The following AKAP19 variants were observed in gnomAD, a reference collection of about 807,000 sequenced individuals.
AKAP19 encodes small A-kinase anchoring protein.
At chr2:190,149,517 G>T in the AKAP19 span, among the ~76,000 whole-genome samples, 1 of 152,076 alleles carries the variant, frequency 6.6e-6, no homozygotes, top group Non-Finnish European at 1.5e-5. Context: ...TAGATAGGTT[G>T]TGTCATTATT....
chr2:190,185,453 C>G, the AKAP19 span, among the ~76,000 whole-genome samples: 6 of 152,156 alleles, frequency 3.9e-5, no homozygotes, highest in African/African-American at 1.4e-4. Flanking sequence ...GGAAGAGGTT[C>G]TAGATCAGAT....
the AKAP19 span, among the ~76,000 whole-genome samples, chr2:190,184,282 T>A: frequency 6.6e-6 from 1 of 152,184 alleles, no homozygotes; most frequent in African/African-American, 2.4e-5. Context: ...AATATTCTAA[T>A]TCAGAACAGT....
chr2:190,081,200 C>G, the AKAP19 span, among the ~76,000 whole-genome samples: 1 of 146,282 alleles, frequency 6.8e-6, no homozygotes, highest in Non-Finnish European at 1.5e-5. Flanking sequence ...CAACCCCCAT[C>G]CCCCCATCCT....
chr2:189,950,383 G>A, the AKAP19 span, among the ~76,000 whole-genome samples: 1 of 145,050 alleles, frequency 6.9e-6, no homozygotes, highest in Non-Finnish European at 1.5e-5. Flanking sequence ...AACCTTAGGT[G>A]CAGTAGTGAA....
chr2:190,150,138 C>T, the AKAP19 span: 1 of 152,408 alleles, frequency 6.6e-6, no homozygotes, highest in African/African-American at 2.4e-5. Flanking sequence ...CCCTGGGCTA[C>T]CCACCTCCCA....
chr2:189,914,106 A>G, the AKAP19 span, among the ~76,000 whole-genome samples: 33 of 152,192 alleles, frequency 2.2e-4, no homozygotes, highest in Middle Eastern at 3.4e-3. Context: ...TTAAAGCAAT[A>G]TGTTAATCCT....
the AKAP19 span, among the ~76,000 whole-genome samples, chr2:190,107,978 T>C: frequency 2.0e-5 from 3 of 152,208 alleles, no homozygotes; most frequent in Non-Finnish European, 4.4e-5. Flanking sequence ...GGCAGTTCTC[T>C]TTACTGATAA....
chr2:189,985,989 T>A, the AKAP19 span, among the ~76,000 whole-genome samples: 10 of 152,196 alleles, frequency 6.6e-5, no homozygotes, highest in African/African-American at 2.4e-4. Context: ...TATGTACAAC[T>A]TTTATGAACC....
the AKAP19 span, among the ~76,000 whole-genome samples, chr2:189,996,430 T>G: frequency 6.6e-6 from 1 of 152,244 alleles, no homozygotes; most frequent in African/African-American, 2.4e-5. Context: ...GTCTTTCATT[T>G]CCAGAAGTTG....
At chr2:190,093,433 A>C in the AKAP19 span, among the ~76,000 whole-genome samples, 1 of 10,000 alleles carries the variant, frequency 1.0e-4, no homozygotes, top group African/African-American at 8.5e-4. Context: ...ACTCTGTCTC[A>C]AAAAAAAAAG....
At chr2:189,921,137 G>A in the AKAP19 span, among the ~76,000 whole-genome samples, 5 of 152,150 alleles carry the variant, frequency 3.3e-5, no homozygotes, top group Non-Finnish European at 7.3e-5. Context: ...TTGCCTGAAA[G>A]CTTTATATTT....
chr2:189,881,991 G>A, the AKAP19 span, among the ~76,000 whole-genome samples: 85 of 152,244 alleles, frequency 5.6e-4, no homozygotes, highest in Middle Eastern at 3.4e-3. Context: ...AATTGGCTTT[G>A]ATGGAACTTT....
At chr2:189,966,379 G>A in the AKAP19 span, among the ~76,000 whole-genome samples, 2 of 152,078 alleles carry the variant, frequency 1.3e-5, no homozygotes, top group Admixed American at 6.6e-5. Context: ...CTCGATGCAG[G>A]TTTGCAATAA....
the AKAP19 span, chr2:189,924,329 G>A: frequency 1.0e-6 from 1 of 954,624 alleles, no homozygotes. Context: ...CATGCTCACT[G>A]TTTTCCCCAT....
chr2:190,021,278 G>C, the AKAP19 span, among the ~76,000 whole-genome samples: 45 of 152,212 alleles, frequency 3.0e-4, no homozygotes, highest in African/African-American at 1.1e-3. Context: ...ATTACAAAAA[G>C]CTATTGATTT....
At chr2:190,089,442 A>G in the AKAP19 span, 2 of 152,126 alleles carry the variant, frequency 1.3e-5, no homozygotes, top group East Asian at 1.9e-4. Context: ...ATTCAGTCCT[A>G]TCCTGAAGGT....
the AKAP19 span, among the ~76,000 whole-genome samples, chr2:190,175,546 A>G: frequency 3.3e-5 from 5 of 152,248 alleles, no homozygotes; most frequent in African/African-American, 1.2e-4. Context: ...CTGGAGAACC[A>G]GAATGGGTCT....
the AKAP19 span, among the ~76,000 whole-genome samples, chr2:189,935,512 T>C: frequency 6.6e-6 from 1 of 152,050 alleles, no homozygotes; most frequent in African/African-American, 2.4e-5. Flanking sequence ...TCTAAAATAA[T>C]AGGTACATAA....
the AKAP19 span, among the ~76,000 whole-genome samples, chr2:190,087,783 T>C: frequency 6.6e-6 from 1 of 152,230 alleles, no homozygotes; most frequent in African/African-American, 2.4e-5. Context: ...GTGTTCCCAA[T>C]TGGTCATGAA....
Sources: gnomAD v4.1 joint callset for allele counts (sites outside exome capture counted in the v4.1 genomes callset) on GRCh38, gnomAD v4.1.1 for gene constraint, MANE v1.5 for transcripts, NCBI Gene and HGNC (gene_info 2026-07-23, HGNC 2026-07-21) for gene names.